PCDH15: variants seen among roughly 807,000 people sequenced by gnomAD.
PCDH15 encodes protocadherin related 15, also known as protocadherin-15.
A neutral mutation model predicts 178.5 loss-of-function variants in PCDH15; 129 were observed. The ratio of observed to expected loss-of-function variants is 0.72; its 90% CI spans 0.63 to 0.84. PCDH15 has a LOEUF of 0.84. Ranked by LOEUF, PCDH15 falls within the 40% of genes least tolerant of loss-of-function variation. PCDH15 has a pLI of 0.00. For missense variants in PCDH15, 2,230 were observed against 2,099.9 expected (o/e 1.06, Z -1.21); for synonymous variants, 800 against 732.0 (o/e 1.09, Z -1.50).
chr10:53,938,692 A>G, intron 25 of PCDH15, 123 bp downstream of exon 25: 2 of 1,045,132 alleles, frequency 1.9e-6, no homozygotes, highest in Non-Finnish European at 2.8e-6. Flanking sequence ...CAATCATCTC[A>G]GAGTATTAAT....
chr10:54,141,779 C>A (rs986451774), intron 14 of PCDH15, among the ~76,000 whole-genome samples: 1 of 152,136 alleles, frequency 6.6e-6, no homozygotes, highest in African/African-American at 2.4e-5. Context: ...AAAATATGCA[C>A]AAGTGTTGCA....
intron 15 of PCDH15, among the ~76,000 whole-genome samples, chr10:54,122,669 G>A (rs2041644282): frequency 6.6e-6 from 1 of 151,716 alleles, no homozygotes; most frequent in Non-Finnish European, 1.5e-5. Context: ...CTCTCAATAA[G>A]TTATTAGAAC....
At chr10:54,387,537 A>G (rs1336845769) in intron 3 of PCDH15, among the ~76,000 whole-genome samples, 5 of 152,316 alleles carry the variant, frequency 3.3e-5, no homozygotes, top group East Asian at 1.9e-4. Context: ...ATATTTTTTA[A>G]TAAACATAGA....
intron 3 of PCDH15, among the ~76,000 whole-genome samples, chr10:54,424,283 G>T (rs1465184590): frequency 6.6e-6 from 1 of 151,924 alleles, no homozygotes; most frequent in African/African-American, 2.4e-5. Flanking sequence ...GGCCATCAGA[G>T]AAATGCAACT....
chr10:54,487,815 C>T (rs903884328), intron 3 of PCDH15, among the ~76,000 whole-genome samples: 2 of 151,842 alleles, frequency 1.3e-5, no homozygotes, highest in African/African-American at 4.8e-5. Flanking sequence ...GTAGGCTAAA[C>T]CCAGATAGTA....
chr10:54,513,881 T>C (rs2081953077), intron 3 of PCDH15, among the ~76,000 whole-genome samples: 2 of 152,210 alleles, frequency 1.3e-5, no homozygotes, highest in African/African-American at 2.4e-5. Flanking sequence ...AGAAATTGCA[T>C]GTAATATAAT....
At chr10:55,428,188 T>C (rs1838801584) in intron 2 of PCDH15, among the ~76,000 whole-genome samples, 1 of 152,040 alleles carries the variant, frequency 6.6e-6, no homozygotes, top group Non-Finnish European at 1.5e-5. Flanking sequence ...TCAAATATAT[T>C]AATGTGTTGT....
Position 53,993,656 on chromosome 10 carries a change from TA to T in PCDH15, c.2868+1992del, listed in dbSNP as rs139566142. Among the ~76,000 whole-genome samples the T allele has an allele frequency of 5.9e-3, 900 of 152,034 alleles. 6 individuals carry two copies. The highest frequency in any genetic ancestry group is 0.019 in the African/African-American group (806 of 41,458). On this transcript the variant is annotated intron_variant, in intron 21 of 37. Coordinates refer to ENST00000644397, the MANE Select transcript of PCDH15 (RefSeq NM_001384140.1). ...AAATAAGGGTAAAAAGCATAACATT[TA>T]AAAAAAAGTAATTATGTAATATAGT...
At chr10:55,063,430 C>A (rs1184282821) in intron 2 of PCDH15, among the ~76,000 whole-genome samples, 1 of 151,964 alleles carries the variant, frequency 6.6e-6, no homozygotes, top group Non-Finnish European at 1.5e-5. Flanking sequence ...AGTGAGAATA[C>A]AATTTTATAT....
chr10:54,985,474 A>G (rs946850520), intron 2 of PCDH15, among the ~76,000 whole-genome samples: 12 of 152,174 alleles, frequency 7.9e-5, no homozygotes, highest in African/African-American at 2.9e-4. Context: ...AAATTTATTT[A>G]TTACACCTAA....
chr10:53,945,694 T>G (rs1466743453), intron 23 of PCDH15, among the ~76,000 whole-genome samples: 1 of 151,720 alleles, frequency 6.6e-6, no homozygotes, highest in Non-Finnish European at 1.5e-5. Context: ...CTGTGCCTGA[T>G]GCATTTTAGT....
chr10:54,787,862 A>G lies in PCDH15; in HGVS notation c.-29+13063T>C, dbSNP rs1951036000. 3.9e-5 allele frequency among the ~76,000 whole-genome samples: 6 copies of G among 152,012 alleles called. No individual in the cohort carries two copies. The South Asian group carries it at 1.2e-3, about 31-fold the overall frequency. ...TATCACTAGGTTTTCAATTAGTTAG[A>G]ACAATAAATTTATTTATCTTCTCTT... On this transcript the variant is annotated intron_variant, in intron 1 of 37. Transcript: ENST00000644397.
Position 53,820,245 on chromosome 10 carries a change from TGAAA to T in PCDH15, c.4368-19_4368-16del. 2.5e-6 allele frequency: 1 copy of T among 397,496 alleles called. No individual in the cohort carries two copies. The highest frequency in any genetic ancestry group is 4.4e-6 in the Non-Finnish European group (1 of 225,308). 24.6% of individuals were successfully genotyped at this position (397,496 alleles called of 1,614,324 possible). ...AAAAACTCCAACTGAAGTTTTTCAG[TGAAA>T]GAAAGAAAAAAATCACGTTCAAGAA... On this transcript the variant is annotated splice_polypyrimidine_tract_variant and intron_variant, in intron 32 of 37. Coordinates refer to ENST00000644397, the MANE Select transcript of PCDH15 (RefSeq NM_001384140.1).
intron 1 of PCDH15, among the ~76,000 whole-genome samples, chr10:55,259,290 C>G (rs141344645): frequency 2.0e-5 from 3 of 151,908 alleles, no homozygotes; most frequent in African/African-American, 7.2e-5. Context: ...ATGCATAGGA[C>G]AAGAATAAAT....
rs143011418 is a variant in PCDH15, at chr10:54,082,303, C to T, written c.1998-2879G>A. Among the ~76,000 whole-genome samples the T allele has an allele frequency of 7.7e-3, 1,171 of 152,276 alleles. 12 individuals carry two copies. The highest frequency in any genetic ancestry group is 0.027 in the African/African-American group (1,113 of 41,550). On this transcript the variant is annotated intron_variant, in intron 16 of 37. Transcript: ENST00000644397. ...TAAGGCAGGGGATAGCCCACAAACA[C>T]TTGAGGCGTATAATAGAGTGCCAAA...
At chr10:54,135,721 T>C (rs2042850864) in intron 14 of PCDH15, among the ~76,000 whole-genome samples, 1 of 152,214 alleles carries the variant, frequency 6.6e-6, no homozygotes. Flanking sequence ...CCTACAACGT[T>C]ATTGGTAATA....
At chr10:55,465,487 AC>A (rs1839813199) in intron 2 of PCDH15, among the ~76,000 whole-genome samples, 1 of 152,124 alleles carries the variant, frequency 6.6e-6, no homozygotes, top group African/African-American at 2.4e-5. Context: ...TTTAAAATGT[AC>A]CAATGCCAGC....
At chr10:54,057,167 A>C (rs1371798290) in intron 18 of PCDH15, among the ~76,000 whole-genome samples, 1 of 152,152 alleles carries the variant, frequency 6.6e-6, no homozygotes, top group African/African-American at 2.4e-5. Context: ...GCAAGCTGTC[A>C]GTGGATTACT....
chr10:54,512,717 A>C (rs894304702), intron 3 of PCDH15, among the ~76,000 whole-genome samples: 6 of 152,128 alleles, frequency 3.9e-5, no homozygotes, highest in African/African-American at 9.7e-5. Flanking sequence ...AAAATTACTA[A>C]CACGTAGAAT....
Sources: allele counts gnomAD v4.1 joint callset (sites outside exome capture counted in the v4.1 genomes callset), GRCh38; gene constraint gnomAD v4.1.1; transcripts MANE v1.5; gene names NCBI Gene and HGNC (gene_info 2026-07-23, HGNC 2026-07-21).